STAG2: variants seen among roughly 807,000 people sequenced by gnomAD.
STAG2 encodes the protein STAG2 cohesin complex component, also known as cohesin subunit SA-2.
STAG2 carries 14 observed loss-of-function variants against 108.1 expected under a neutral mutation model. The observed-to-expected ratio is 0.13, with a 90% confidence interval of 0.09 to 0.20. The LOEUF (loss-of-function observed/expected upper bound fraction) is 0.20, where lower values mean the gene tolerates loss of function less well. Ranked by LOEUF, STAG2 falls within the 10% of genes least tolerant of loss-of-function variation. The probability of loss-of-function intolerance (pLI) is 1.00; values close to 1 mark genes in which losing one functional copy is unlikely to be tolerated. For synonymous variants in STAG2, 307 were observed against 302.7 expected (o/e 1.01, Z -0.15); for missense variants, 440 against 940.9 (o/e 0.47, Z 6.96).
At chrX:124,013,324 AAC>A (rs71886288) in intron 1 of STAG2, among the ~76,000 whole-genome samples, 21,789 of 103,142 alleles carry the variant, frequency 0.21, 1,767 homozygotes, top group South Asian at 0.38. Flanking sequence ...CACACACACA[AAC>A]ACACACACAC....
In STAG2 at chrX:123,969,248, G is replaced by T. The variant is rs906669761; in HGVS notation, c.-163+7392G>T. Among the ~76,000 whole-genome samples, 8 of 109,885 alleles carry T rather than the reference G, an allele frequency of 7.3e-5. No individual in the cohort carries two copies. The East Asian group carries it at 1.2e-3, about 16-fold the overall frequency. ...AATGAATTGTATTCTTGAATTTTTT[G>T]GGGGGGGAATCATGTGATACATGAA... On this transcript the variant is annotated intron_variant, in intron 1 of 34. Coordinates refer to ENST00000371145, the MANE Select transcript of STAG2 (RefSeq NM_001042750.2).
At chrX:123,984,246 G>A (rs1207168398) in intron 1 of STAG2, among the ~76,000 whole-genome samples, 3 of 110,134 alleles carry the variant, frequency 2.7e-5, no homozygotes, top group Non-Finnish European at 5.7e-5. Context: ...CCAAAGTGCT[G>A]GGATTACAGG....
At chrX:124,016,632 G>C (rs2056741047) in intron 1 of STAG2, among the ~76,000 whole-genome samples, 1 of 111,318 alleles carries the variant, frequency 9.0e-6, no homozygotes. Context: ...AATTTTTTCT[G>C]TGTCTATCAG....
intron 7 of STAG2, among the ~76,000 whole-genome samples, chrX:124,044,671 C>T (rs578223350): frequency 9.0e-6 from 1 of 111,689 alleles, no homozygotes; most frequent in African/African-American, 3.2e-5. Flanking sequence ...ATTTCCATTT[C>T]TTTAAAAAAT....
At chrX:124,065,547 T>C (rs112915269) in intron 20 of STAG2, among the ~76,000 whole-genome samples, 184 of 112,088 alleles carry the variant, frequency 1.6e-3, no homozygotes, top group African/African-American at 5.7e-3. Context: ...CCTTCTGATC[T>C]TCTTGTCATT....
chrX:123,964,560 A>G (rs747026319), intron 1 of STAG2, among the ~76,000 whole-genome samples: 7 of 111,214 alleles, frequency 6.3e-5, no homozygotes, highest in East Asian at 2.8e-4. Context: ...CCTGGTAGAA[A>G]GATCTAGGTA....
intron 1 of STAG2, among the ~76,000 whole-genome samples, chrX:124,009,392 CAGGTAGGTAGGTAGGTAGGT>C (rs748240892): frequency 4.4e-5 from 4 of 90,548 alleles, no homozygotes; most frequent in African/African-American, 1.6e-4. Context: ...GTAATCTAAC[CAGGTAGGTAGGTAGGTAGGT>C]AGGTAGGTAG....
intron 13 of STAG2, among the ~76,000 whole-genome samples, chrX:124,054,634 T>C (rs1049649070): frequency 8.9e-6 from 1 of 112,225 alleles, no homozygotes; most frequent in Admixed American, 9.4e-5. Flanking sequence ...GTAATAGACA[T>C]ACCCATTCAT....
intron 1 of STAG2, among the ~76,000 whole-genome samples, chrX:124,020,356 A>G (rs966280876): frequency 3.4e-4 from 38 of 112,298 alleles, no homozygotes; most frequent in African/African-American, 1.1e-3. Context: ...AGCAAGGATC[A>G]CATGACCTTT....
At chrX:124,047,263 C>T in intron 8 of STAG2, 91 bp from the exon 9 acceptor site, 4 of 771,733 alleles carry the variant, frequency 5.2e-6, no homozygotes, top group Non-Finnish European at 7.4e-6. Context: ...CAGATTAGCT[C>T]ATTTCTGCTT....
intron 6 of STAG2, among the ~76,000 whole-genome samples, chrX:124,039,648 T>C (rs1030616657): frequency 6.5e-5 from 7 of 107,392 alleles, no homozygotes; most frequent in African/African-American, 2.4e-4. Flanking sequence ...TTCTTTTTTT[T>C]TTTTTTTAAT....
chrX:123,980,545 A>G (rs984864812), intron 1 of STAG2, among the ~76,000 whole-genome samples: 1 of 111,910 alleles, frequency 8.9e-6, no homozygotes, highest in South Asian at 3.7e-4. Context: ...TTTAAAGCTG[A>G]TATGATCAAC....
At chrX:124,026,703 A>G (rs769891121) in intron 4 of STAG2, 13 of 179,105 alleles carry the variant, frequency 7.3e-5, no homozygotes, top group Non-Finnish European at 1.3e-4. Flanking sequence ...TTATTCTTTA[A>G]ACATTTTGAT....
At chrX:124,028,817 TATATA>T (rs200817604) in intron 4 of STAG2, among the ~76,000 whole-genome samples, 3,439 of 73,902 alleles carry the variant, frequency 0.047, 133 homozygotes, top group African/African-American at 0.13. Flanking sequence ...TATATATATA[TATATA>T]TTTTTTTTTT....
chrX:123,996,162 C>A (rs1041015188), intron 1 of STAG2, among the ~76,000 whole-genome samples: 3 of 112,351 alleles, frequency 2.7e-5, no homozygotes, highest in African/African-American at 9.7e-5. Flanking sequence ...ATTACAAATG[C>A]ATATCGCCTT....
intron 13 of STAG2, 88 bp downstream of exon 13, chrX:124,051,482 A>G (rs2058036586): frequency 1.6e-6 from 1 of 637,591 alleles, no homozygotes; most frequent in Non-Finnish European, 2.3e-6. Context: ...ATCTAGGTCT[A>G]AATTTTAGTA....
intron 8 of STAG2, among the ~76,000 whole-genome samples, chrX:124,046,612 A>C (rs2057887887): frequency 8.9e-6 from 1 of 112,225 alleles, no homozygotes; most frequent in Non-Finnish European, 1.9e-5. Context: ...GAGTAAGCTA[A>C]AGAAAGCAAA....
chrX:124,023,603 T>C (rs1379502152), intron 3 of STAG2, among the ~76,000 whole-genome samples: 1 of 111,707 alleles, frequency 9.0e-6, no homozygotes, highest in African/African-American at 3.3e-5. Flanking sequence ...CCTTTGTTAA[T>C]ATTAAGTGTC....
chrX:124,064,724 G>C (rs189385041), intron 20 of STAG2, among the ~76,000 whole-genome samples: 1 of 111,350 alleles, frequency 9.0e-6, no homozygotes, highest in African/African-American at 3.3e-5. Flanking sequence ...GATTACAGGC[G>C]TGAGCCACAC....
Sources: gnomAD v4.1 joint callset for allele counts (sites outside exome capture counted in the v4.1 genomes callset) on GRCh38, gnomAD v4.1.1 for gene constraint, MANE v1.5 for transcripts, NCBI Gene and HGNC (gene_info 2026-07-23, HGNC 2026-07-21) for gene names.